The following PIK3C3 variants were observed in gnomAD, a reference collection of about 807,000 sequenced individuals.
PIK3C3 encodes the protein phosphatidylinositol 3-kinase catalytic subunit type 3.
In PIK3C3, 95 loss-of-function variants were observed where a neutral mutation model predicts 126.1. The ratio of observed to expected loss-of-function variants is 0.75; its 90% CI spans 0.64 to 0.89. PIK3C3 has a LOEUF of 0.89. PIK3C3 is among the 40% of genes least tolerant of loss of function. PIK3C3 has a pLI of 0.00. For missense variants in PIK3C3, 829 were observed against 1,063.2 expected, an observed-to-expected ratio of 0.78 and a Z score of 3.06; for synonymous variants, 374 against 360.0, an observed-to-expected ratio of 1.04 and a Z score of -0.44.
intron 1 of PIK3C3, 110 bp from the exon 2 acceptor site, chr18:41,957,460 A>G (rs1225814704): frequency 4.0e-6 from 4 of 1,010,862 alleles, no homozygotes; most frequent in African/African-American, 1.7e-5. Flanking sequence ...TTTAGTACTT[A>G]TGCATATATG....
At chr18:42,057,362 A>G (rs1313658167) in intron 21 of PIK3C3, among the ~76,000 whole-genome samples, 3 of 152,160 alleles carry the variant, frequency 2.0e-5, no homozygotes, top group Non-Finnish European at 4.4e-5. Context: ...GTGATAGGTG[A>G]TATATTATTG....
At chr18:41,993,693 A>G (rs1321869426) in intron 7 of PIK3C3, among the ~76,000 whole-genome samples, 1 of 151,998 alleles carries the variant, frequency 6.6e-6, no homozygotes, top group African/African-American at 2.4e-5. Context: ...ATACAGAAGG[A>G]GAATTTGCCT....
chr18:41,972,920 T>C (rs1442784432), intron 4 of PIK3C3, among the ~76,000 whole-genome samples: 1 of 151,992 alleles, frequency 6.6e-6, no homozygotes, highest in Non-Finnish European at 1.5e-5. Flanking sequence ...TTTGACAAAA[T>C]TGGAAGGTTG....
chr18:42,015,791 A>G (rs750413417), intron 12 of PIK3C3, among the ~76,000 whole-genome samples: 2 of 152,190 alleles, frequency 1.3e-5, no homozygotes, highest in Admixed American at 6.5e-5. Context: ...AAATGGATTC[A>G]TATGCAATAT....
intron 2 of PIK3C3, among the ~76,000 whole-genome samples, chr18:41,960,098 C>A (rs975092427): frequency 7.9e-5 from 12 of 152,232 alleles, no homozygotes; most frequent in African/African-American, 2.9e-4. Flanking sequence ...TTATTTAAAT[C>A]TGTTTGATTT....
intron 17 of PIK3C3, 106 bp downstream of exon 17, chr18:42,037,926 C>T (rs767318960): frequency 3.0e-5 from 32 of 1,075,052 alleles, no homozygotes; most frequent in East Asian, 4.8e-5. Context: ...CATTCAGGTA[C>T]GATCCTAGAA....
intron 11 of PIK3C3, among the ~76,000 whole-genome samples, chr18:42,014,132 C>T (rs765828493): frequency 3.6e-5 from 5 of 138,250 alleles, no homozygotes; most frequent in Admixed American, 8.0e-5. Context: ...TGGTGACACC[C>T]GGGAGGTAGA....
At chr18:42,079,579 T>TA (rs11380691) in intron 24 of PIK3C3, among the ~76,000 whole-genome samples, 73,272 of 150,836 alleles carry the variant, frequency 0.49, 19,444 homozygotes, top group African/African-American at 0.71. Flanking sequence ...TTCAATTTGT[T>TA]AAAAAAAAAC....
chr18:42,048,651 C>T (rs774381967), intron 20 of PIK3C3, among the ~76,000 whole-genome samples: 13 of 152,132 alleles, frequency 8.5e-5, no homozygotes, highest in African/African-American at 3.1e-4. Flanking sequence ...TATGCCATTG[C>T]TTAAGTTGCT....
At chr18:41,960,369 C>T (rs1980015123) in intron 2 of PIK3C3, among the ~76,000 whole-genome samples, 1 of 152,132 alleles carries the variant, frequency 6.6e-6, no homozygotes, top group South Asian at 2.1e-4. Context: ...TTCACATTGT[C>T]TCATAAAGGT....
chr18:41,986,643 G>A (rs1981492767), intron 4 of PIK3C3, among the ~76,000 whole-genome samples: 1 of 151,980 alleles, frequency 6.6e-6, no homozygotes, highest in Non-Finnish European at 1.5e-5. Flanking sequence ...TGGTTTCCTT[G>A]TGACTATTTC....
intron 7 of PIK3C3, among the ~76,000 whole-genome samples, chr18:41,995,033 G>A (rs1004547374): frequency 6.6e-6 from 1 of 151,962 alleles, no homozygotes; most frequent in Non-Finnish European, 1.5e-5. Context: ...GCAAGATCCT[G>A]TCTCAAAAAA....
At chr18:41,964,757 TA>T (rs1980271407) in intron 3 of PIK3C3, among the ~76,000 whole-genome samples, 1 of 152,128 alleles carries the variant, frequency 6.6e-6, no homozygotes, top group Non-Finnish European at 1.5e-5. Flanking sequence ...CTGAATTATA[TA>T]TGTTAATTAA....
rs546008732 is a variant in PIK3C3 at position 42,082,845 on chromosome 18, C to G, written c.*1708C>G. 5 of 152,262 alleles carry G rather than the reference C, an allele frequency of 3.3e-5. No individual in the cohort carries two copies. The South Asian group carries it at 1.0e-3, about 32-fold the overall frequency. The allele number at this position is 152,262 out of a possible 1,614,324, so 9.4% of individuals were successfully genotyped here. A position where few individuals can be genotyped will look rare whatever the true frequency, so the allele number is the denominator to read the frequency against. ...GAAGGCAAAAGTGTATCATCTTACT[C>G]GTCTTTATAAACTCCACAGCACTCT... On this transcript the variant is annotated 3_prime_UTR_variant, in exon 25 of 25. Coordinates refer to ENST00000262039, the MANE Select transcript of PIK3C3 (RefSeq NM_002647.4).
chr18:42,013,027 A>C (rs191549944), intron 10 of PIK3C3, among the ~76,000 whole-genome samples: 9 of 152,196 alleles, frequency 5.9e-5, no homozygotes, highest in Admixed American at 4.6e-4. Context: ...TATTAAACAT[A>C]GAATGCACTC....
At chr18:42,029,667 C>T (rs775061428) in intron 15 of PIK3C3, among the ~76,000 whole-genome samples, 22 of 150,814 alleles carry the variant, frequency 1.5e-4, no homozygotes, top group East Asian at 7.8e-4. Flanking sequence ...CCCAGCCTCC[C>T]GAGTAGCTAG....
intron 22 of PIK3C3, among the ~76,000 whole-genome samples, chr18:42,064,030 C>T (rs551156822): frequency 3.9e-5 from 6 of 152,232 alleles, no homozygotes; most frequent in African/African-American, 1.4e-4. Flanking sequence ...AAGGCCCCAC[C>T]TCTGGAAATG....
chr18:42,051,441 A>G (rs533005770), intron 21 of PIK3C3: 101 of 152,114 alleles, frequency 6.6e-4, no homozygotes, highest in African/African-American at 2.3e-3. Flanking sequence ...AAATTGTGAT[A>G]ATAATAATTT....
At position 42,049,545 on chromosome 18, in the gene PIK3C3, A is replaced by G. The variant is rs769259641; in HGVS notation, c.2203A>G (p.Ile735Val). 1.9e-6 allele frequency: 3 copies of G among 1,613,494 alleles called. No individual in the cohort carries two copies. The highest frequency in any genetic ancestry group is 2.2e-5 in the East Asian group (1 of 44,868). The change falls in exon 21 of 25, where the codon ATC becomes GTC. Residue 735 changes from isoleucine to valine, a missense_variant. Coordinates refer to ENST00000262039, the MANE Select transcript of PIK3C3 (RefSeq NM_002647.4). ...TGTTACTGCAGCTGGATATTGCGTG[A>G]TCACCTATATACTTGGAGTTGGAGA... ...YVKSCAGYCV[I>V]TYILGVGDRH...
Sources: allele counts gnomAD v4.1 joint callset (sites outside exome capture counted in the v4.1 genomes callset), GRCh38; gene constraint gnomAD v4.1.1; transcripts MANE v1.5; gene names NCBI Gene and HGNC (gene_info 2026-07-23, HGNC 2026-07-21).